The following ACYP2 variants were observed in gnomAD, a reference collection of about 807,000 sequenced individuals.
ACYP2 encodes acylphosphatase-2.
ACYP2 carries 12 observed loss-of-function variants against 11.2 expected under a neutral mutation model. The observed-to-expected ratio is 1.08, with a 90% CI of 0.69 to 1.74. The LOEUF (loss-of-function observed/expected upper bound fraction) is 1.74, where lower values mean the gene tolerates loss of function less well. Ranked by LOEUF, ACYP2 falls within the 40% of genes most tolerant of loss-of-function variation. ACYP2 has a pLI of 0.00. For synonymous variants in ACYP2, 43 were observed against 32.2 expected (o/e 1.33, Z -1.13); for missense variants, 134 against 101.9 (o/e 1.31, Z -1.35).
intron 3 of ACYP2, among the ~76,000 whole-genome samples, chr2:54,056,298 A>G (rs140838308): frequency 6.6e-6 from 1 of 152,214 alleles, no homozygotes; most frequent in East Asian, 1.9e-4. Context: ...GCCTGGTGAC[A>G]TGGGCAGTTT....
chr2:54,037,768 A>G (rs1691828664), intron 2 of ACYP2, among the ~76,000 whole-genome samples: 2 of 152,228 alleles, frequency 1.3e-5, no homozygotes. Context: ...AATCGAAATC[A>G]GAGTGCTTTT....
intron 6 of ACYP2, among the ~76,000 whole-genome samples, chr2:54,236,021 T>A (rs1686462527): frequency 6.6e-6 from 1 of 152,174 alleles, no homozygotes; most frequent in Non-Finnish European, 1.5e-5. Flanking sequence ...CTCTATTGTA[T>A]TTTTGTTTTC....
intron 2 of ACYP2, among the ~76,000 whole-genome samples, chr2:54,007,138 C>CAAAAAAA (rs70944145): frequency 2.3e-3 from 120 of 52,136 alleles, no homozygotes; most frequent in Non-Finnish European, 2.7e-3. Context: ...GACTCTGTGT[C>CAAAAAAA]AAAAAAAAAA....
chr2:54,145,204 T>A (rs1424036057), intron 6 of ACYP2, among the ~76,000 whole-genome samples: 2 of 152,222 alleles, frequency 1.3e-5, no homozygotes, highest in Non-Finnish European at 2.9e-5. Flanking sequence ...TATTTGATTA[T>A]AATCTGAGAA....
chr2:54,250,774 T>G (rs1160715729), intron 6 of ACYP2, among the ~76,000 whole-genome samples: 1 of 152,256 alleles, frequency 6.6e-6, no homozygotes, highest in Non-Finnish European at 1.5e-5. Flanking sequence ...GTGGAAAGAT[T>G]TTGCTCAAAT....
chr2:54,276,955 T>G (rs961267946), intron 6 of ACYP2, among the ~76,000 whole-genome samples: 4 of 152,216 alleles, frequency 2.6e-5, no homozygotes, highest in African/African-American at 9.6e-5. Flanking sequence ...CATCTTTATA[T>G]ATTAGTAAAA....
intron 6 of ACYP2, among the ~76,000 whole-genome samples, chr2:54,300,499 T>C (rs1689681801): frequency 6.6e-6 from 1 of 152,214 alleles, no homozygotes; most frequent in Admixed American, 6.5e-5. Context: ...ACCAGCCCTC[T>C]CACCTTGAGA....
At chr2:54,235,640 G>T (rs572354520) in intron 6 of ACYP2, among the ~76,000 whole-genome samples, 12 of 152,116 alleles carry the variant, frequency 7.9e-5, no homozygotes, top group African/African-American at 2.9e-4. Context: ...GTGAGCCACC[G>T]CGCCTGGCCA....
At chr2:54,112,761 T>A (rs1173507483) in intron 4 of ACYP2, among the ~76,000 whole-genome samples, 2 of 152,250 alleles carry the variant, frequency 1.3e-5, no homozygotes, top group African/African-American at 4.8e-5. Context: ...AGACTTAGAA[T>A]CACATATTAT....
Position 54,193,645 on chromosome 2 carries a change from T to C in ACYP2, c.404+54897T>C, listed in dbSNP as rs976796709. On this transcript the variant is annotated intron_variant, in intron 6 of 6. Coordinates refer to ENST00000607452, the MANE Select transcript of ACYP2 (RefSeq NM_001320586.2). Reference sequence around the variant, plus strand: ...AAGGCCAAATTTTCATTTAATAATATGTGAATTTATACTCATGATGAAAAT... The same window carrying C: ...AAGGCCAAATTTTCATTTAATAATACGTGAATTTATACTCATGATGAAAAT... 2.6e-5 allele frequency among the ~76,000 whole-genome samples: 4 copies of C among 152,236 alleles called. No homozygotes were observed. The South Asian group carries it at 6.2e-4, about 24-fold the overall frequency.
chr2:54,197,547 T>G (rs935552895), intron 6 of ACYP2, among the ~76,000 whole-genome samples: 1 of 152,110 alleles, frequency 6.6e-6, no homozygotes, highest in Admixed American at 6.6e-5. Context: ...GAACGAAGGT[T>G]GTGTGACAGG....
At chr2:54,242,009 G>C (rs1686750524) in intron 6 of ACYP2, among the ~76,000 whole-genome samples, 1 of 152,060 alleles carries the variant, frequency 6.6e-6, no homozygotes. Flanking sequence ...GCAAGACACT[G>C]TATCAAAAAA....
At chr2:54,134,950 T>C (rs1395603596) in intron 4 of ACYP2, among the ~76,000 whole-genome samples, 1 of 152,258 alleles carries the variant, frequency 6.6e-6, no homozygotes, top group Non-Finnish European at 1.5e-5. Flanking sequence ...GTTTTTACTT[T>C]AGATCTTAGC....
At chr2:54,088,883 G>A (rs1015778579) in intron 4 of ACYP2, among the ~76,000 whole-genome samples, 6 of 152,104 alleles carry the variant, frequency 3.9e-5, no homozygotes, top group African/African-American at 4.8e-5. Context: ...CATTCCTATC[G>A]GTCACCATAA....
At chr2:54,255,412 T>C (rs531038527) in intron 6 of ACYP2, 7 of 1,613,996 alleles carry the variant, frequency 4.3e-6, no homozygotes, top group South Asian at 2.2e-5. Flanking sequence ...GCCCGGGATA[T>C]TGCGAATGAT....
intron 4 of ACYP2, among the ~76,000 whole-genome samples, chr2:54,074,828 G>A (rs1677243350): frequency 1.3e-5 from 2 of 152,220 alleles, no homozygotes. Flanking sequence ...TCTTACTCAG[G>A]GGAGGTCAGG....
At chr2:54,176,808 GT>G (rs1683483301) in intron 6 of ACYP2, among the ~76,000 whole-genome samples, 1 of 152,144 alleles carries the variant, frequency 6.6e-6, no homozygotes, top group South Asian at 2.1e-4. Flanking sequence ...TGTTGAGAGG[GT>G]ACCAAAGTCT....
At chr2:54,126,669 C>T (rs1461781716) in intron 4 of ACYP2, among the ~76,000 whole-genome samples, 5 of 151,330 alleles carry the variant, frequency 3.3e-5, no homozygotes, top group Non-Finnish European at 7.4e-5. Context: ...TGCTTCTGGC[C>T]GGGTGCAGTG....
At chr2:54,067,899 A>C (rs1676823972) in intron 4 of ACYP2, among the ~76,000 whole-genome samples, 2 of 152,248 alleles carry the variant, frequency 1.3e-5, no homozygotes, top group Non-Finnish European at 1.5e-5. Context: ...ATTAGCCTAA[A>C]TGCTTTGGTT....
Sources: gnomAD v4.1 joint callset for allele counts (sites outside exome capture counted in the v4.1 genomes callset) on GRCh38, gnomAD v4.1.1 for gene constraint, MANE v1.5 for transcripts, NCBI Gene and HGNC (gene_info 2026-07-23, HGNC 2026-07-21) for gene names.